The following SYNPO variants were observed in gnomAD, a reference collection of about 807,000 sequenced individuals.
SYNPO encodes the protein synaptopodin.
SYNPO carries 19 observed loss-of-function variants against 49.5 expected under a neutral mutation model. The ratio of observed to expected loss-of-function variants is 0.38; its 90% CI spans 0.27 to 0.56. The LOEUF (loss-of-function observed/expected upper bound fraction) is 0.56, where lower values mean the gene tolerates loss of function less well. Ranked by LOEUF, SYNPO falls within the 20% of genes least tolerant of loss-of-function variation. The probability of loss-of-function intolerance (pLI) is 0.68; values close to 1 mark genes in which losing one functional copy is unlikely to be tolerated. For synonymous variants in SYNPO, 536 were observed against 548.0 expected (o/e 0.98, Z 0.31); for missense variants, 1,131 against 1,248.3 (o/e 0.91, Z 1.42).
chr5:150,618,678 C>T (rs1259462232), exon 2 of SYNPO: 1 of 1,550,552 alleles, frequency 6.4e-7, no homozygotes, highest in Non-Finnish European at 8.7e-7. Context: ...GACGACAGGG[C>T]CAGCCAGGAC....
At chr5:150,650,374 C>A (rs1341892023) in intron 2 of SYNPO, 71 bp downstream of exon 2, 3 of 1,594,456 alleles carry the variant, frequency 1.9e-6, no homozygotes, top group Non-Finnish European at 2.6e-6. Context: ...AGTTCCCCTC[C>A]TTGAGGGCCA....
chr5:150,601,141 C>T (rs1756516098), exon 1 of SYNPO: 1 of 152,608 alleles, frequency 6.6e-6, no homozygotes. Flanking sequence ...GGACAGAGGC[C>T]CGGGCACAGC....
intron 2 of SYNPO, among the ~76,000 whole-genome samples, chr5:150,619,284 G>A (rs1176854496): frequency 2.6e-5 from 4 of 152,130 alleles, no homozygotes; most frequent in Non-Finnish European, 4.4e-5. Flanking sequence ...TACAGGTGGG[G>A]AAACTGAGAC....
chr5:150,614,369 C>A (rs1321623037), intron 1 of SYNPO, among the ~76,000 whole-genome samples: 1 of 152,200 alleles, frequency 6.6e-6, no homozygotes, highest in Non-Finnish European at 1.5e-5. Flanking sequence ...CCTGGGGTGT[C>A]TTGGCCGGCC....
intron 2 of SYNPO, among the ~76,000 whole-genome samples, chr5:150,622,516 G>A (rs115875246): frequency 0.016 from 2,365 of 152,296 alleles, 71 homozygotes; most frequent in African/African-American, 0.053. Flanking sequence ...ACTTGTTATT[G>A]GAGGCTGGAG....
chr5:150,626,416 T>C (rs1368726677), intron 2 of SYNPO, among the ~76,000 whole-genome samples: 1 of 152,218 alleles, frequency 6.6e-6, no homozygotes, highest in Non-Finnish European at 1.5e-5. Context: ...AGGATCACTC[T>C]AGCTTGATAT....
chr5:150,637,809 G>A (rs570152131), upstream of SYNPO, among the ~76,000 whole-genome samples: 3 of 152,316 alleles, frequency 2.0e-5, no homozygotes, highest in South Asian at 2.1e-4. Context: ...TGGGCTGCAC[G>A]GCGTCCTTTC....
intron 1 of SYNPO, among the ~76,000 whole-genome samples, chr5:150,642,429 A>G (rs1330061441): frequency 6.6e-6 from 1 of 152,150 alleles, no homozygotes; most frequent in African/African-American, 2.4e-5. Context: ...GGCGGTGGGG[A>G]CATCATGACT....
At chr5:150,614,386 C>T (rs976218423) in intron 1 of SYNPO, among the ~76,000 whole-genome samples, 2 of 152,162 alleles carry the variant, frequency 1.3e-5, no homozygotes, top group African/African-American at 4.8e-5. Flanking sequence ...GGCCCTCAGA[C>T]TGTGGAGCAC....
exon 2 of SYNPO, chr5:150,618,334 C>T (rs1581464051): frequency 6.6e-7 from 1 of 1,515,184 alleles, no homozygotes; most frequent in Non-Finnish European, 8.9e-7. Context: ...GCCCAGGAGC[C>T]TGCTTCCCTG....
intron 1 of SYNPO, 147 bp downstream of exon 1, chr5:150,641,001 C>G (rs1029850139): frequency 6.1e-6 from 2 of 329,214 alleles, no homozygotes; most frequent in African/African-American, 4.5e-5. Flanking sequence ...AGTGGTGAGG[C>G]GGGGGCTGGG....
At chr5:150,654,289 G>A (rs1188780245) in intron 2 of SYNPO, 2 of 151,982 alleles carry the variant, frequency 1.3e-5, no homozygotes, top group Non-Finnish European at 2.9e-5. Flanking sequence ...ATGTTAGGCA[G>A]GGATTCCCAA....
At chr5:150,618,342 C>T (rs563369049) in exon 2 of SYNPO, 29 of 1,531,312 alleles carry the variant, frequency 1.9e-5, no homozygotes, top group Non-Finnish European at 2.4e-5. Context: ...GCCTGCTTCC[C>T]TGCATCGCTG....
At position 150,632,842 on chromosome 5, in the gene SYNPO, AG is replaced by A. The variant is rs766379705; in HGVS notation, c.400+14077del. 6.5e-4 allele frequency among the ~76,000 whole-genome samples: 99 copies of A among 152,324 alleles called. 1 individual carries two copies. The highest frequency in any genetic ancestry group is 1.5e-3 in the South Asian group (7 of 4,816). On this transcript the variant is annotated intron_variant, in intron 2 of 2. Coordinates refer to the SYNPO transcript ENST00000394243. ...GCATTATTTATGTTTGTGAGTCAAC[AG>A]GATTACATTCGGGACTCCCAGAACA...
chr5:150,590,037 C>T, the SYNPO span, among the ~76,000 whole-genome samples: 1,514 of 152,356 alleles, frequency 9.9e-3, 30 homozygotes, highest in African/African-American at 0.033. Flanking sequence ...CCAAAGCCCG[C>T]GCAGAGGGCT....
chr5:150,598,428 C>T (rs558928143), upstream of SYNPO, among the ~76,000 whole-genome samples: 14 of 152,324 alleles, frequency 9.2e-5, no homozygotes, highest in South Asian at 2.3e-3. Context: ...CTTAAATACC[C>T]GCACTGCCAC....
At chr5:150,596,029 G>T in the SYNPO span, among the ~76,000 whole-genome samples, 1 of 152,248 alleles carries the variant, frequency 6.6e-6, no homozygotes, top group Non-Finnish European at 1.5e-5. Flanking sequence ...GGGTTGGGGG[G>T]AGGTCTTGTT....
upstream of SYNPO, among the ~76,000 whole-genome samples, chr5:150,599,780 T>C (rs1212019551): frequency 6.6e-6 from 1 of 152,162 alleles, no homozygotes; most frequent in Non-Finnish European, 1.5e-5. Context: ...AGGGACTCAA[T>C]CAATATCATC....
At chr5:150,642,348 G>A (rs1757938962) in intron 1 of SYNPO, among the ~76,000 whole-genome samples, 2 of 152,202 alleles carry the variant, frequency 1.3e-5, no homozygotes. Flanking sequence ...CAGGGCTCCT[G>A]ATCCAGTGTC....
Sources: gnomAD v4.1 joint callset for allele counts (sites outside exome capture counted in the v4.1 genomes callset) on GRCh38, gnomAD v4.1.1 for gene constraint, MANE v1.5 for transcripts, NCBI Gene and HGNC (gene_info 2026-07-23, HGNC 2026-07-21) for gene names.